The following MKLN1 variants were observed in gnomAD, a reference collection of about 807,000 sequenced individuals.
MKLN1 encodes the protein muskelin.
Under a neutral mutation model 99.0 loss-of-function variants are expected in MKLN1, and 18 were observed. The observed-to-expected ratio is 0.18, with a 90% CI of 0.13 to 0.27. The LOEUF (loss-of-function observed/expected upper bound fraction) is 0.27. MKLN1 is among the 10% of genes least tolerant of loss of function. MKLN1 has a pLI of 1.00. For missense variants in MKLN1, 621 were observed against 875.9 expected, an observed-to-expected ratio of 0.71 and a Z score of 3.67; for synonymous variants, 288 against 293.2, an observed-to-expected ratio of 0.98 and a Z score of 0.18.
chr7:131,384,112 C>G (rs1204424097), intron 2 of MKLN1, among the ~76,000 whole-genome samples: 1 of 152,076 alleles, frequency 6.6e-6, no homozygotes, highest in Non-Finnish European at 1.5e-5. Context: ...TAGGCTGCAA[C>G]CACACTGGCA....
chr7:131,477,218 A>G (rs938333592), intron 16 of MKLN1, among the ~76,000 whole-genome samples: 1 of 152,130 alleles, frequency 6.6e-6, no homozygotes, highest in Non-Finnish European at 1.5e-5. Flanking sequence ...GGACTTCAAA[A>G]AAGTTAAAAT....
At chr7:131,321,470 C>A in intron 3 of MKLN1, among the ~76,000 whole-genome samples, 1 of 151,938 alleles carries the variant, frequency 6.6e-6, no homozygotes, top group Non-Finnish European at 1.5e-5. Flanking sequence ...ACCTAATGCA[C>A]GTGGGGCTTA....
rs533162843 is a variant in MKLN1, at chr7:131,465,189, A to G, written c.1788+781A>G. ...TGAATATAAATGTTTTTAAAATTTT[A>G]GGAAATATTTAAATTTAAATTTAAT... On this transcript the variant is annotated intron_variant, in intron 14 of 17. Coordinates refer to ENST00000352689, the MANE Select transcript of MKLN1 (RefSeq NM_013255.5). Among the ~76,000 whole-genome samples, 6 of 152,262 alleles carry G rather than the reference A, an allele frequency of 3.9e-5. No homozygotes were observed. In the East Asian group the frequency reaches 7.7e-4, roughly 20 times the overall value.
intron 3 of MKLN1, among the ~76,000 whole-genome samples, chr7:131,210,767 A>AAGGAGAGGT (rs1796892763): frequency 5.7e-5 from 1 of 17,492 alleles, no homozygotes; most frequent in Non-Finnish European, 1.1e-4. Context: ...GGGAGGGGGG[A>AAGGAGAGGT]GGGGAGCATT....
intron 2 of MKLN1, among the ~76,000 whole-genome samples, chr7:131,181,940 G>A (rs1211479042): frequency 3.9e-5 from 6 of 152,098 alleles, no homozygotes; most frequent in Non-Finnish European, 8.8e-5. Context: ...GATTACAGGC[G>A]TGAGCCACCA....
intron 3 of MKLN1, among the ~76,000 whole-genome samples, chr7:131,274,643 CAAA>C (rs10708074): frequency 2.5e-4 from 23 of 91,614 alleles, no homozygotes; most frequent in Non-Finnish European, 1.8e-4. Context: ...GACCCTGTCT[CAAA>C]AAAAAAAAAA....
At chr7:131,204,895 C>T (rs973441388) in intron 3 of MKLN1, among the ~76,000 whole-genome samples, 3 of 149,768 alleles carry the variant, frequency 2.0e-5, no homozygotes, top group Non-Finnish European at 4.4e-5. Flanking sequence ...GATCACGCCA[C>T]TGCACTCTAG....
At chr7:131,172,268 G>A (rs1405640082) in intron 2 of MKLN1, among the ~76,000 whole-genome samples, 1 of 150,320 alleles carries the variant, frequency 6.7e-6, no homozygotes, top group Admixed American at 6.7e-5. Flanking sequence ...AGCCTCCCAA[G>A]TAACTGGGAC....
At chr7:131,114,039 T>C (rs1476207788) in intron 1 of MKLN1, among the ~76,000 whole-genome samples, 1 of 152,144 alleles carries the variant, frequency 6.6e-6, no homozygotes, top group Non-Finnish European at 1.5e-5. Flanking sequence ...AGCCAAACCA[T>C]ATCACATTAT....
chr7:131,192,578 G>A (rs1209952817), intron 2 of MKLN1, among the ~76,000 whole-genome samples: 1 of 148,202 alleles, frequency 6.7e-6, no homozygotes, highest in Non-Finnish European at 1.5e-5. Flanking sequence ...GTCTCACCCT[G>A]TCGCCCAGGC....
chr7:131,482,576 G>C (rs995950213), intron 17 of MKLN1, among the ~76,000 whole-genome samples: 2 of 152,180 alleles, frequency 1.3e-5, no homozygotes, highest in African/African-American at 4.8e-5. Context: ...GGAAAATCCA[G>C]CTACGTGTAG....
At chr7:131,387,026 T>G in intron 2 of MKLN1, 94 bp from the exon 3 acceptor site, 2 of 1,181,324 alleles carry the variant, frequency 1.7e-6, no homozygotes, top group Non-Finnish European at 2.4e-6. Flanking sequence ...AGGATGGACC[T>G]TATACATTCT....
chr7:131,217,350 C>G (rs1227064256), intron 3 of MKLN1, among the ~76,000 whole-genome samples: 2 of 152,202 alleles, frequency 1.3e-5, no homozygotes, highest in Non-Finnish European at 2.9e-5. Context: ...AAACAGATCC[C>G]TGTGCAACTA....
chr7:131,411,269 T>A lies in MKLN1; in HGVS notation c.704-37T>A, dbSNP rs762127201. On this transcript the variant is annotated intron_variant, in intron 6 of 17. Transcript: ENST00000352689. The stretch of plus-strand genomic sequence containing the variant: ...TTCTATAATAAATAATGTAAGTAGT[T>A]AAGGTGTAATTCTTTCTCATTCTTC... The A allele has an allele frequency of 3.5e-5, 44 of 1,262,922 alleles. No homozygotes were observed. In the South Asian group the frequency reaches 5.4e-4, roughly 16 times the overall value. The allele number at this position is 1,262,922 out of a possible 1,614,324, so 78.2% of individuals were successfully genotyped here.
chr7:131,186,423 G>A (rs1318092523), intron 2 of MKLN1, among the ~76,000 whole-genome samples: 1 of 152,186 alleles, frequency 6.6e-6, no homozygotes, highest in East Asian at 1.9e-4. Flanking sequence ...TGGGAGGATT[G>A]CTTGAGACCA....
intron 3 of MKLN1, among the ~76,000 whole-genome samples, chr7:131,387,770 T>G (rs1794075638): frequency 6.6e-6 from 1 of 152,168 alleles, no homozygotes; most frequent in African/African-American, 2.4e-5. Flanking sequence ...AATTTGAGTT[T>G]TAATAATATT....
chr7:131,464,364 T>C lies in MKLN1; in HGVS notation c.1744T>C (p.Cys582Arg), dbSNP rs1230155866. 5.0e-6 allele frequency: 8 copies of C among 1,613,656 alleles called. No individual in the cohort carries two copies. Among genetic ancestry groups the C allele is most frequent in the Non-Finnish European group, 6.8e-6 (8 of 1,179,798 alleles). Residue 582 changes from cysteine (C) to arginine (R), a missense_variant, in exon 14 of 18, where the codon TGT becomes CGT. Around this residue, in one of 8 missense-constraint regions of MKLN1, gnomAD observed 3 missense variants for 19.9 expected, o/e 0.15. Coordinates refer to ENST00000352689, the MANE Select transcript of MKLN1 (RefSeq NM_013255.5). ...PTKSLQEEEPCPRFAHQLVYD... is the reference protein window; with the variant it reads ...PTKSLQEEEPRPRFAHQLVYD... ...TAAAAGTCTTCAGGAAGAAGAACCA[T>C]GTCCAAGGTTTGCCCATCAGCTTGT...
chr7:131,204,208 T>G (rs1016464531), intron 3 of MKLN1, among the ~76,000 whole-genome samples: 1 of 152,206 alleles, frequency 6.6e-6, no homozygotes. Flanking sequence ...AAGTCTGGGT[T>G]AGCAGGCTCA....
intron 2 of MKLN1, among the ~76,000 whole-genome samples, chr7:131,172,377 G>A (rs895103748): frequency 2.6e-5 from 4 of 151,180 alleles, no homozygotes; most frequent in South Asian, 2.1e-4. Flanking sequence ...GTGCAGTGGC[G>A]TGATCTCGGC....
Sources: gnomAD v4.1 joint callset for allele counts (sites outside exome capture counted in the v4.1 genomes callset) on GRCh38, gnomAD v4.1.1 for gene constraint, gnomAD v4.1.1 regional missense constraint, MANE v1.5 for transcripts, NCBI Gene and HGNC (gene_info 2026-07-23, HGNC 2026-07-21) for gene names.